Variants in NIPSNAP3A observed in about 807,000 individuals in gnomAD.
The protein encoded by NIPSNAP3A is nipsnap homolog 3A.
In NIPSNAP3A, 27 loss-of-function variants were observed where a neutral mutation model predicts 32.3. The ratio of observed to expected loss-of-function variants is 0.84; its 90% CI spans 0.62 to 1.15. The LOEUF (loss-of-function observed/expected upper bound fraction) is 1.15, where lower values mean the gene tolerates loss of function less well. NIPSNAP3A is among the 50% of genes most tolerant of loss of function. The probability of loss-of-function intolerance (pLI) is 0.00; values close to 1 mark genes in which losing one functional copy is unlikely to be tolerated. For synonymous variants in NIPSNAP3A, 108 were observed against 107.3 expected (o/e 1.01, Z -0.04); for missense variants, 278 against 297.2 (o/e 0.94, Z 0.48).
chr9:104,749,486 C>T (rs1238328569), intron 1 of NIPSNAP3A, among the ~76,000 whole-genome samples: 1 of 152,196 alleles, frequency 6.6e-6, no homozygotes, highest in African/African-American at 2.4e-5. Context: ...GACATACTGG[C>T]TAGTCAGTAT....
chr9:104,754,181 TTC>T (rs1454803680), intron 3 of NIPSNAP3A: 1 of 158,878 alleles, frequency 6.3e-6, no homozygotes, highest in Admixed American at 6.3e-5. Context: ...TGGAAAATTC[TTC>T]TTTTATTCTT....
Position 104,754,617 on chromosome 9 carries a change from A to C in NIPSNAP3A, c.497A>C (p.Lys166Thr). 1 of 1,614,112 alleles carries C rather than the reference A, an allele frequency of 6.2e-7. No homozygotes were observed. The highest frequency in any genetic ancestry group is 8.5e-7 in the Non-Finnish European group (1 of 1,179,966). The change falls in exon 4 of 6, where the codon AAA (lysine) becomes ACA (threonine). Residue 166 changes from lysine to threonine, a missense_variant. Physicochemically the swap from Lys to Thr is moderately conservative, Grantham distance 78. Coordinates refer to ENST00000374767, the MANE Select transcript of NIPSNAP3A (RefSeq NM_015469.3). Reference sequence around the variant, plus strand: ...CCAGCTCTGTGGGGTGATGCATTTAAAAGGGCAGTTCATGCTCATGTCAAT... The same window carrying C: ...CCAGCTCTGTGGGGTGATGCATTTACAAGGGCAGTTCATGCTCATGTCAAT... ...GGPALWGDAFKRAVHAHVNLG... is the reference protein window; with the variant it reads ...GGPALWGDAFTRAVHAHVNLG...
At position 104,759,496 on chromosome 9, in the gene NIPSNAP3A, AGTACCACTTC is replaced by A; in HGVS notation, c.*159_*168del. 2 of 673,860 alleles carry A rather than the reference AGTACCACTTC, an allele frequency of 3.0e-6. No homozygotes were observed. The highest frequency in any genetic ancestry group is 5.4e-5 in the Admixed American group (2 of 37,088). 41.7% of individuals were successfully genotyped at this position (673,860 alleles called of 1,614,324 possible). On this transcript the variant is annotated 3_prime_UTR_variant, in exon 6 of 6. Transcript: ENST00000374767. ...ATGAAGGCTACATCTGTGCTTTGTA[AGTACCACTTC>A]AAAAAATAGTTCTGTTTACTTTCTG...
At chr9:104,757,887 A>G (rs985024703) in intron 4 of NIPSNAP3A, among the ~76,000 whole-genome samples, 3 of 152,100 alleles carry the variant, frequency 2.0e-5, no homozygotes, top group Non-Finnish European at 4.4e-5. Flanking sequence ...ACCTGTCTCT[A>G]CAAAAATAAA....
chr9:104,757,913 A>T (rs1025954918), intron 4 of NIPSNAP3A, among the ~76,000 whole-genome samples: 10 of 151,938 alleles, frequency 6.6e-5, no homozygotes, highest in African/African-American at 2.4e-4. Context: ...AATTAAAATT[A>T]AAAAATAAAA....
intron 3 of NIPSNAP3A, chr9:104,753,943 A>C (rs905636929): frequency 1.3e-5 from 2 of 152,358 alleles, no homozygotes; most frequent in African/African-American, 4.8e-5. Flanking sequence ...CTTTCTCTCC[A>C]CCAGCCCTAT....
At chr9:104,751,408 C>T (rs979752615) in intron 2 of NIPSNAP3A, among the ~76,000 whole-genome samples, 3 of 152,142 alleles carry the variant, frequency 2.0e-5, no homozygotes, top group Non-Finnish European at 2.9e-5. Flanking sequence ...AATTGGAAGA[C>T]ATGGCATCTC....
intron 4 of NIPSNAP3A, among the ~76,000 whole-genome samples, chr9:104,756,247 C>T (rs1380302303): frequency 6.6e-6 from 1 of 151,750 alleles, no homozygotes; most frequent in Non-Finnish European, 1.5e-5. Flanking sequence ...AAATTTAATT[C>T]ATAAAATTGG....
At chr9:104,757,602 G>T (rs1259506593) in intron 4 of NIPSNAP3A, among the ~76,000 whole-genome samples, 2 of 152,004 alleles carry the variant, frequency 1.3e-5, no homozygotes, top group Non-Finnish European at 2.9e-5. Flanking sequence ...TGTTAATATT[G>T]TTTACATTAA....
In NIPSNAP3A at chr9:104,754,636, T is replaced by C. The variant is rs774806721; in HGVS notation, c.516T>C (p.His172=). The C allele has an allele frequency of 2.5e-6, 4 of 1,614,064 alleles. No homozygotes were observed. Among genetic ancestry groups the C allele is most frequent in the South Asian group, 2.2e-5 (2 of 91,086 alleles). ...GDAFKRAVHA[H]VNLGYTKLVG... ...CATTTAAAAGGGCAGTTCATGCTCA[T>C]GTCAATCTAGGCTACACAAAACTAG... Residue 172 remains histidine, a synonymous_variant, in exon 4 of 6, where the codon CAT becomes CAC. Transcript: ENST00000374767.
chr9:104,759,275 C>T lies in NIPSNAP3A; in HGVS notation c.681C>T (p.Val227=), dbSNP rs773922491. 1.2e-6 allele frequency: 2 copies of T among 1,613,958 alleles called. No individual in the cohort carries two copies. The highest frequency in any genetic ancestry group is 1.7e-6 in the Non-Finnish European group (2 of 1,180,006). The change falls in exon 6 of 6, where the codon GTC becomes GTT. Residue 227 remains valine, a synonymous_variant. Transcript: ENST00000374767. ...PRVVAAVRES[V]NYLVSQQNML... ...ATGTTTTTCCAGTTCGGGAAAGTGT[C>T]AACTACCTAGTATCTCAGCAGAATA...
In NIPSNAP3A at chr9:104,752,988, G is replaced by C. The variant is rs1737416783; in HGVS notation, c.354G>C (p.Leu118Phe). 6.2e-7 allele frequency: 1 copy of C among 1,612,724 alleles called. No homozygotes were observed. The highest frequency in any genetic ancestry group is 1.3e-5 in the African/African-American group (1 of 74,858). Reference protein sequence around the residue: ...EWQEQFLIPNLALIDKQESEI... With the variant: ...EWQEQFLIPNFALIDKQESEI... ...AAGAACAATTCCTCATTCCAAATTT[G>C]GCTCTCATTGATAAACAAGAGAGTG... Residue 118 changes from leucine (L) to phenylalanine (F), a missense_variant, in exon 3 of 6, where the codon TTG becomes TTC. Coordinates refer to ENST00000374767, the MANE Select transcript of NIPSNAP3A (RefSeq NM_015469.3).
Position 104,759,343 on chromosome 9 carries a change from C to T in NIPSNAP3A, c.*5C>T. 1.2e-6 allele frequency: 2 copies of T among 1,611,250 alleles called. No homozygotes were observed. Among genetic ancestry groups the T allele is most frequent in the Non-Finnish European group, 1.7e-6 (2 of 1,178,290 alleles). On this transcript the variant is annotated 3_prime_UTR_variant, in exon 6 of 6. Coordinates refer to ENST00000374767, the MANE Select transcript of NIPSNAP3A (RefSeq NM_015469.3). ...TCGTTTTCACCACTGAAATAGTTTTCTACTGAAATACAAAACATTTCATTA... is the reference window on the plus strand; with the variant it reads ...TCGTTTTCACCACTGAAATAGTTTTTTACTGAAATACAAAACATTTCATTA...
chr9:104,756,203 T>G (rs1827904700), intron 4 of NIPSNAP3A, among the ~76,000 whole-genome samples: 1 of 152,078 alleles, frequency 6.6e-6, no homozygotes, highest in Non-Finnish European at 1.5e-5. Flanking sequence ...TATGCGAAAA[T>G]AAAGTCAAGC....
chr9:104,751,261 G>C, intron 2 of NIPSNAP3A, 95 bp downstream of exon 2: 1 of 1,120,198 alleles, frequency 8.9e-7, no homozygotes, highest in Non-Finnish European at 1.4e-6. Context: ...TTAGTTCTTG[G>C]ATGTATATTA....
At chr9:104,748,333 C>G (rs899021111) in intron 1 of NIPSNAP3A, among the ~76,000 whole-genome samples, 1 of 152,152 alleles carries the variant, frequency 6.6e-6, no homozygotes, top group Admixed American at 6.5e-5. Context: ...CCGGCCTCCC[C>G]CTTTTAAATG....
chr9:104,753,119 T>A, intron 3 of NIPSNAP3A, 55 bp downstream of exon 3: 1 of 1,425,952 alleles, frequency 7.0e-7, no homozygotes, highest in Non-Finnish European at 9.9e-7. Context: ...CTAAAGAACT[T>A]AAGTGATCAA....
chr9:104,758,369 C>G (rs956483575), intron 4 of NIPSNAP3A, among the ~76,000 whole-genome samples: 4 of 152,118 alleles, frequency 2.6e-5, no homozygotes, highest in African/African-American at 4.8e-5. Flanking sequence ...ATACCACTTT[C>G]AATTTTCTTC....
Position 104,747,797 on chromosome 9 carries a change from T to C in NIPSNAP3A, c.5T>C (p.Leu2Pro), listed in dbSNP as rs1827791099. Residue 2 changes from leucine (L) to proline (P), a missense_variant, in exon 1 of 6, where the codon CTC becomes CCC. By Grantham distance (98) the Leu-to-Pro change is moderately conservative. Transcript: ENST00000374767. ...TCTCAGCGCCGAAGCCGCGCCATGCTCGTCCTCAGAAGCGCCCTGACTCGG... is the reference window on the plus strand; with the variant it reads ...TCTCAGCGCCGAAGCCGCGCCATGCCCGTCCTCAGAAGCGCCCTGACTCGG... M[L>P]VLRSALTRAL... is the part of the protein sequence containing the mutation. 6.2e-7 allele frequency: 1 copy of C among 1,608,920 alleles called. No individual in the cohort carries two copies. The highest frequency in any genetic ancestry group is 1.7e-5 in the Admixed American group (1 of 59,618).
Sources: gnomAD v4.1 joint callset for allele counts (sites outside exome capture counted in the v4.1 genomes callset) on GRCh38, gnomAD v4.1.1 for gene constraint, MANE v1.5 for transcripts, NCBI Gene and HGNC (gene_info 2026-07-23, HGNC 2026-07-21) for gene names.